Variants in GABRA3 observed in about 807,000 individuals in gnomAD.
GABRA3 encodes gamma-aminobutyric acid type A receptor subunit alpha3.
In GABRA3, 10 loss-of-function variants were observed where a neutral mutation model predicts 30.1. The ratio of observed to expected loss-of-function variants is 0.33; its 90% confidence interval spans 0.20 to 0.56. The LOEUF is 0.56. GABRA3 is among the 20% of genes least tolerant of loss of function. GABRA3 has a pLI of 0.89. For missense variants in GABRA3, 233 were observed against 392.0 expected, an observed-to-expected ratio of 0.59 and a Z score of 3.42; for synonymous variants, 151 against 146.8, an observed-to-expected ratio of 1.03 and a Z score of -0.21.
chrX:152,414,199 T>C (rs1026528920), intron 1 of GABRA3, among the ~76,000 whole-genome samples: 2 of 111,064 alleles, frequency 1.8e-5, no homozygotes, highest in African/African-American at 6.5e-5. Flanking sequence ...ACCTTTATTT[T>C]TAATAGGATC....
chrX:152,440,660 T>G (rs1930902293), intron 1 of GABRA3, among the ~76,000 whole-genome samples: 1 of 112,131 alleles, frequency 8.9e-6, no homozygotes, highest in Non-Finnish European at 1.9e-5. Flanking sequence ...TGGCATATAT[T>G]CACCACAGAA....
rs912834398 is a variant in GABRA3, at chrX:152,338,447, G to C, written c.262+7134C>G. ...CTAGTTGTTAATCTCTTGTCAGATA[G>C]GTAGCTTGCAAATATTTTCTCCCAT... On this transcript the variant is annotated intron_variant, in intron 3 of 9. Transcript: ENST00000370314. 6.3e-5 allele frequency among the ~76,000 whole-genome samples: 7 copies of C among 111,774 alleles called. No homozygotes were observed. In the East Asian group the frequency reaches 2.0e-3, roughly 31 times the overall value.
chrX:152,312,554 C>G (rs781298565), intron 3 of GABRA3, among the ~76,000 whole-genome samples: 1 of 111,822 alleles, frequency 8.9e-6, no homozygotes, highest in East Asian at 2.8e-4. Flanking sequence ...CTGGGAAATA[C>G]CATTCTGGAC....
intron 3 of GABRA3, among the ~76,000 whole-genome samples, chrX:152,290,917 C>T (rs1739368105): frequency 9.0e-6 from 1 of 111,721 alleles, no homozygotes; most frequent in Non-Finnish European, 1.9e-5. Context: ...GTTACTATAG[C>T]TTTGTAGTAT....
intron 8 of GABRA3, among the ~76,000 whole-genome samples, chrX:152,197,285 A>G (rs189243479): frequency 9.0e-6 from 1 of 111,547 alleles, no homozygotes; most frequent in Admixed American, 9.5e-5. Context: ...AAAGCCCCCA[A>G]TCCAATACTC....
At chrX:152,378,935 A>G (rs1929070150) in intron 1 of GABRA3, among the ~76,000 whole-genome samples, 1 of 111,978 alleles carries the variant, frequency 8.9e-6, no homozygotes, top group Admixed American at 9.5e-5. Flanking sequence ...AGGGAGATAT[A>G]ATAAATTTCT....
chrX:152,210,909 T>C (rs1232308971), intron 6 of GABRA3, among the ~76,000 whole-genome samples: 1 of 111,379 alleles, frequency 9.0e-6, no homozygotes, highest in African/African-American at 3.3e-5. Context: ...ACCCTTCTCA[T>C]ACCCTTACCT....
intron 3 of GABRA3, among the ~76,000 whole-genome samples, chrX:152,314,657 C>T (rs930548675): frequency 1.8e-5 from 2 of 112,117 alleles, no homozygotes; most frequent in African/African-American, 6.5e-5. Context: ...TTCCCTCCAC[C>T]TGGAAAGCTC....
At chrX:152,181,584 C>T (rs1053346461) in intron 9 of GABRA3, among the ~76,000 whole-genome samples, 5 of 109,652 alleles carry the variant, frequency 4.6e-5, no homozygotes, top group Admixed American at 9.9e-5. Context: ...AAAAACCAAA[C>T]GCTGCATATT....
chrX:152,222,154 C>T (rs1353131935), intron 6 of GABRA3, among the ~76,000 whole-genome samples: 2 of 110,352 alleles, frequency 1.8e-5, no homozygotes, highest in Non-Finnish European at 3.8e-5. Flanking sequence ...CATGTCTTTG[C>T]TATTGTGAGT....
At chrX:152,420,435 AT>A (rs1404965087) in intron 1 of GABRA3, among the ~76,000 whole-genome samples, 1 of 111,852 alleles carries the variant, frequency 8.9e-6, no homozygotes, top group Admixed American at 9.5e-5. Context: ...AATTGATTAT[AT>A]TTTAAATACC....
At chrX:152,292,258 T>C (rs1469663106) in intron 3 of GABRA3, among the ~76,000 whole-genome samples, 1 of 111,867 alleles carries the variant, frequency 8.9e-6, no homozygotes, top group Non-Finnish European at 1.9e-5. Flanking sequence ...GGTGTATGTG[T>C]CGAGGAATTT....
chrX:152,321,905 C>G (rs1220295084), intron 3 of GABRA3, among the ~76,000 whole-genome samples: 1 of 111,031 alleles, frequency 9.0e-6, no homozygotes, highest in Non-Finnish European at 1.9e-5. Context: ...CCTCTCCTCT[C>G]CATCAAAAAA....
chrX:152,184,725 T>C (rs182042621), intron 9 of GABRA3, among the ~76,000 whole-genome samples: 1 of 111,583 alleles, frequency 9.0e-6, no homozygotes, highest in Non-Finnish European at 1.9e-5. Context: ...TATGTTAATA[T>C]CTCTTGTCTG....
At chrX:152,401,846 G>A (rs906546687) in intron 1 of GABRA3, among the ~76,000 whole-genome samples, 6 of 111,464 alleles carry the variant, frequency 5.4e-5, no homozygotes, top group Non-Finnish European at 9.4e-5. Flanking sequence ...ATAGAGATTT[G>A]GATAAGGCCA....
chrX:152,310,916 G>C (rs185432441), intron 3 of GABRA3, among the ~76,000 whole-genome samples: 1 of 111,142 alleles, frequency 9.0e-6, no homozygotes, highest in African/African-American at 3.3e-5. Flanking sequence ...AAATCTCTCA[G>C]AGACTATTAC....
At chrX:152,348,067 A>G (rs1940418041) in intron 2 of GABRA3, among the ~76,000 whole-genome samples, 1 of 112,012 alleles carries the variant, frequency 8.9e-6, no homozygotes, top group Non-Finnish European at 1.9e-5. Flanking sequence ...ATATTGTTCT[A>G]TGGTTTTATT....
At chrX:152,387,137 G>C (rs181595755) in intron 1 of GABRA3, among the ~76,000 whole-genome samples, 1 of 98,635 alleles carries the variant, frequency 1.0e-5, no homozygotes, top group African/African-American at 3.7e-5. Context: ...TCACACTCTG[G>C]GGACTGTTGT....
intron 1 of GABRA3, among the ~76,000 whole-genome samples, chrX:152,428,380 T>A (rs1930563444): frequency 8.9e-6 from 1 of 112,192 alleles, no homozygotes; most frequent in Admixed American, 9.4e-5. Flanking sequence ...GTCAGACAGA[T>A]GAAGCTGTAC....
Sources: allele counts gnomAD v4.1 joint callset (sites outside exome capture counted in the v4.1 genomes callset), GRCh38; gene constraint gnomAD v4.1.1; transcripts MANE v1.5; gene names NCBI Gene and HGNC (gene_info 2026-07-23, HGNC 2026-07-21).